BRD8: variants seen among roughly 807,000 people sequenced by gnomAD.
BRD8 encodes bromodomain-containing protein 8.
In BRD8, 67 loss-of-function variants were observed where a neutral mutation model predicts 143.1. That is an observed-to-expected ratio of 0.47 (90% confidence interval 0.38 to 0.57). The LOEUF is 0.57. Ranked by LOEUF, BRD8 falls within the 20% of genes least tolerant of loss-of-function variation. The pLI, the probability that BRD8 is intolerant of heterozygous loss-of-function variation, is 0.00. For synonymous variants in BRD8, 505 were observed against 517.1 expected (o/e 0.98, Z 0.32); for missense variants, 1,103 against 1,503.0 (o/e 0.73, Z 4.40).
At chr5:138,175,966 C>T (rs1196297706) in intron 2 of BRD8, among the ~76,000 whole-genome samples, 1 of 122,666 alleles carries the variant, frequency 8.2e-6, no homozygotes, top group East Asian at 2.5e-4. Flanking sequence ...TACTACATAA[C>T]CCAGCAATTT....
intron 20 of BRD8, chr5:138,156,863 C>G (rs1253357153): frequency 1.9e-6 from 2 of 1,065,052 alleles, no homozygotes; most frequent in Non-Finnish European, 2.3e-6. Flanking sequence ...CACACACACA[C>G]ACACAGAACA....
chr5:138,175,075 G>A (rs1476520402), intron 2 of BRD8, among the ~76,000 whole-genome samples: 3 of 151,982 alleles, frequency 2.0e-5, no homozygotes, highest in Non-Finnish European at 4.4e-5. Context: ...TAGTAGAGAC[G>A]GGGTTTCACC....
At chr5:138,156,249 T>C (rs543352816) in intron 20 of BRD8, among the ~76,000 whole-genome samples, 31 of 152,094 alleles carry the variant, frequency 2.0e-4, no homozygotes, top group Admixed American at 1.6e-3. Flanking sequence ...AAGTGCTTCT[T>C]CTGCCTCAGC....
chr5:138,168,074 T>C lies in BRD8; in HGVS notation c.647A>G (p.Asn216Ser). 1 of 1,611,306 alleles carries C rather than the reference T, an allele frequency of 6.2e-7. No individual in the cohort carries two copies. The highest frequency in any genetic ancestry group is 8.5e-7 in the Non-Finnish European group (1 of 1,178,092). Residue 216 changes from asparagine (N) to serine (S), a missense_variant, in exon 9 of 27, where the codon AAT becomes AGT. Asn to Ser is a conservative substitution (Grantham distance 46, BLOSUM62 1). Around this residue, in one of 7 missense-constraint regions of BRD8, gnomAD observed 334 missense variants for 372.5 expected, o/e 0.90. Coordinates refer to ENST00000254900, the MANE Select transcript of BRD8 (RefSeq NM_139199.2). The part of the protein sequence containing the change: ...TTMEEATSGV[N>S]ESEMAVASGH... Reference sequence around the variant, plus strand: ...AGAAGCCACAGCCATTTCACTCTCATTGACCTACCAGGGAAGAATAGAGGT... The same window carrying C: ...AGAAGCCACAGCCATTTCACTCTCACTGACCTACCAGGGAAGAATAGAGGT...
intron 20 of BRD8, among the ~76,000 whole-genome samples, chr5:138,158,232 C>T (rs1001063629): frequency 2.0e-5 from 3 of 152,084 alleles, no homozygotes; most frequent in African/African-American, 7.2e-5. Context: ...GAAAACAATG[C>T]CCCAAGAGAT....
Position 138,166,128 on chromosome 5 carries a change from A to G in BRD8, c.998-20T>C, listed in dbSNP as rs763514561. The G allele has an allele frequency of 4.4e-6, 7 of 1,596,030 alleles. No individual in the cohort carries two copies. Among genetic ancestry groups the G allele is most frequent in the Non-Finnish European group, 5.1e-6 (6 of 1,170,614 alleles). The stretch of plus-strand genomic sequence containing the variant: ...GACTCACTGAGTAACAGAAAGAGAA[A>G]AGCATCTCAGAAGCTTATTGGGTAC... On this transcript the variant is annotated intron_variant, in intron 10 of 26. Transcript: ENST00000254900.
chr5:138,163,476 T>G, intron 14 of BRD8, 132 bp from the exon 15 acceptor site: 3 of 1,350,908 alleles, frequency 2.2e-6, no homozygotes, highest in Non-Finnish European at 3.0e-6. Flanking sequence ...CTCAGCTGTC[T>G]ATCACTTATA....
chr5:138,165,774 A>AGAG, intron 11 of BRD8, 54 bp downstream of exon 11: 1 of 1,526,638 alleles, frequency 6.6e-7, no homozygotes, highest in Non-Finnish European at 8.8e-7. Flanking sequence ...GAGGCTGAAA[A>AGAG]GAGAAGCCTA....
In BRD8 at chr5:138,145,778, T is replaced by C; in HGVS notation, c.3368+11A>G. 1 of 1,610,572 alleles carries C rather than the reference T, an allele frequency of 6.2e-7. No individual in the cohort carries two copies. Among genetic ancestry groups the C allele is most frequent in the Non-Finnish European group, 8.5e-7 (1 of 1,176,838 alleles). On this transcript the variant is annotated intron_variant, in intron 24 of 26. Coordinates refer to ENST00000254900, the MANE Select transcript of BRD8 (RefSeq NM_139199.2). ...TCTGAACATAATCCTATTACCACTT[T>C]GGAGACCTACCTGTGACTGGCAATC... is the stretch of plus-strand genomic sequence containing the variant.
At chr5:138,152,152 G>A (rs217273) in intron 21 of BRD8, among the ~76,000 whole-genome samples, 43,535 of 150,868 alleles carry the variant, frequency 0.29, 7,324 homozygotes, top group South Asian at 0.42. Flanking sequence ...CACTGCGCCC[G>A]GCCATTTTTG....
At chr5:138,161,281 G>GT in intron 17 of BRD8, 1 of 422,392 alleles carries the variant, frequency 2.4e-6, no homozygotes, top group Non-Finnish European at 4.2e-6. Flanking sequence ...AGTTTATTTA[G>GT]GTTTTTTTTG....
At chr5:138,143,121 T>C (rs428296) in intron 25 of BRD8, among the ~76,000 whole-genome samples, 149,206 of 151,978 alleles carry the variant, frequency 0.98, 73,303 homozygotes, top group Middle Eastern at 1. Context: ...TCTATCTCTA[T>C]AAAAAATACA....
rs200111215 is a variant in BRD8 at position 138,161,052 on chromosome 5, T to C, written c.2266A>G (p.Thr756Ala). Residue 756 changes from threonine to alanine, a missense_variant, in exon 18 of 27, where the codon ACT (threonine) becomes GCT (alanine). By Grantham distance (58) the Thr-to-Ala change is moderately conservative (BLOSUM62 0). Around this residue, in one of 7 missense-constraint regions of BRD8, gnomAD observed 64 missense variants for 211.3 expected, o/e 0.30. Transcript: ENST00000254900. Reference protein sequence around the residue: ...SIVQRPMDLSTIKKNIENGLI... With the variant: ...SIVQRPMDLSAIKKNIENGLI... ...CCATTTTCTATGTTTTTCTTAATAG[T>C]TGACAAATCCATAGGCCTAAAAAAA... 3.3e-5 allele frequency: 54 copies of C among 1,612,362 alleles called. No individual in the cohort carries two copies. The East Asian group carries it at 9.6e-4, about 29-fold the overall frequency.
At position 138,140,112 on chromosome 5, in the gene BRD8, G is replaced by A; in HGVS notation, c.3670C>T (p.Pro1224Ser). ...TTTCCATCATCCACTGGGTTAGCTG[G>A]TTCTCCTTCCAGACTACTTGAGCCT... ...RKGSSSLEGE[P>S]ANPVDDGKPV... Residue 1224 changes from proline (P) to serine (S), a missense_variant, in exon 27 of 27, where the codon CCA becomes TCA. Pro to Ser is a moderately conservative substitution (Grantham distance 74, BLOSUM62 -1). This residue lies in a region of BRD8 where 369 missense variants were observed against 445.5 expected (regional missense o/e 0.83). Coordinates refer to ENST00000254900, the MANE Select transcript of BRD8 (RefSeq NM_139199.2). 1 of 1,613,976 alleles carries A rather than the reference G, an allele frequency of 6.2e-7. No homozygotes were observed. The highest frequency in any genetic ancestry group is 8.5e-7 in the Non-Finnish European group (1 of 1,179,878).
At position 138,139,934 on chromosome 5, in the gene BRD8, G is replaced by T; in HGVS notation, c.*140C>A. Reference sequence around the variant, plus strand: ...TTATATTATGTCCACATGCATCTTTGACTCGTTGGTTGTGAGTTAAGGTAT... The same window carrying T: ...TTATATTATGTCCACATGCATCTTTTACTCGTTGGTTGTGAGTTAAGGTAT... On this transcript the variant is annotated 3_prime_UTR_variant, in exon 27 of 27. Transcript: ENST00000254900. 3.1e-6 allele frequency: 2 copies of T among 639,814 alleles called. No individual in the cohort carries two copies. Among genetic ancestry groups the T allele is most frequent in the Middle Eastern group, 2.5e-4 (1 of 3,936 alleles). The allele number at this position is 639,814 out of a possible 1,614,324, so 39.6% of individuals were successfully genotyped here. A position where few individuals can be genotyped will look rare whatever the true frequency, so the allele number is the denominator to read the frequency against.
intron 20 of BRD8, chr5:138,156,803 T>G (rs1752623712): frequency 5.2e-6 from 5 of 965,270 alleles, no homozygotes; most frequent in Non-Finnish European, 6.2e-6. Flanking sequence ...GAAATAGTTA[T>G]GCAGAAGAAA....
At chr5:138,143,849 A>G (rs1752019516) in intron 25 of BRD8, among the ~76,000 whole-genome samples, 1 of 152,238 alleles carries the variant, frequency 6.6e-6, no homozygotes, top group African/African-American at 2.4e-5. Flanking sequence ...TGGACCAATC[A>G]GTACTATGTA....
chr5:138,156,535 G>C (rs1247298200), intron 20 of BRD8, among the ~76,000 whole-genome samples: 1 of 152,112 alleles, frequency 6.6e-6, no homozygotes, highest in Non-Finnish European at 1.5e-5. Flanking sequence ...AGCATTAAGT[G>C]AGACAAATGT....
intron 23 of BRD8, among the ~76,000 whole-genome samples, chr5:138,149,359 TCCTCCTGCCTTGG>T (rs1752289324): frequency 6.6e-6 from 1 of 152,042 alleles, no homozygotes; most frequent in Admixed American, 6.5e-5. Flanking sequence ...GATCAAGGGA[TCCTCCTGCCTTGG>T]CCTCCCAAAG....
Sources: allele counts gnomAD v4.1 joint callset (sites outside exome capture counted in the v4.1 genomes callset), GRCh38; gene constraint gnomAD v4.1.1; regional missense constraint gnomAD v4.1.1; transcripts MANE v1.5; gene names NCBI Gene and HGNC (gene_info 2026-07-23, HGNC 2026-07-21).